Variants in FAIM observed in about 807,000 individuals in gnomAD.
FAIM encodes the protein Fas apoptotic inhibitory molecule.
In FAIM, 14 loss-of-function variants were observed where a neutral mutation model predicts 21.2. The ratio of observed to expected loss-of-function variants is 0.66; its 90% confidence interval spans 0.44 to 1.03. FAIM has a LOEUF of 1.03. Ranked by LOEUF, FAIM falls within the 50% of genes least tolerant of loss-of-function variation. The pLI, the probability that FAIM is intolerant of heterozygous loss-of-function variation, is 0.00. For synonymous variants in FAIM, 86 were observed against 80.4 expected, an observed-to-expected ratio of 1.07 and a Z score of -0.37; for missense variants, 222 against 247.1, an observed-to-expected ratio of 0.90 and a Z score of 0.68.
intron 1 of FAIM, among the ~76,000 whole-genome samples, chr3:138,614,927 C>A (rs1373572503): frequency 6.6e-6 from 1 of 152,134 alleles, no homozygotes; most frequent in Non-Finnish European, 1.5e-5. Flanking sequence ...GGCAGCAGAA[C>A]AAGACCCTGT....
chr3:138,628,763 G>C (rs545750451), intron 4 of FAIM, among the ~76,000 whole-genome samples: 4 of 152,120 alleles, frequency 2.6e-5, no homozygotes, highest in Non-Finnish European at 4.4e-5. Context: ...GATTACAGGC[G>C]TGAGCCACCG....
At chr3:138,624,237 G>T (rs1402252494) in intron 4 of FAIM, among the ~76,000 whole-genome samples, 2 of 152,178 alleles carry the variant, frequency 1.3e-5, no homozygotes, top group African/African-American at 4.8e-5. Flanking sequence ...AACAGATGAT[G>T]AAACCAGGCC....
At position 138,613,461 on chromosome 3, in the gene FAIM, T is replaced by TC. The variant is rs541415306; in HGVS notation, c.-17+4526dup. Among the ~76,000 whole-genome samples, 136 of 152,300 alleles carry TC rather than the reference T, an allele frequency of 8.9e-4. 1 individual carries two copies. Among genetic ancestry groups the TC allele is most frequent in the African/African-American group, 3.1e-3 (129 of 41,568 alleles). ...TTGTCCTTTCACTTTCTAGATAATGTCCTTTGATGCACAAAAATTTTAGTT... is the reference window on the plus strand; with the variant it reads ...TTGTCCTTTCACTTTCTAGATAATGTCCCTTTGATGCACAAAAATTTTAGTT... On this transcript the variant is annotated intron_variant, in intron 1 of 5. Transcript: ENST00000360570.
intron 1 of FAIM, among the ~76,000 whole-genome samples, chr3:138,616,732 A>C (rs1266210638): frequency 6.6e-6 from 1 of 152,248 alleles, no homozygotes; most frequent in Non-Finnish European, 1.5e-5. Flanking sequence ...TTTGCTTAAA[A>C]TAATGGATAG....
At chr3:138,612,912 T>G (rs558718591) in intron 1 of FAIM, among the ~76,000 whole-genome samples, 2 of 152,334 alleles carry the variant, frequency 1.3e-5, no homozygotes, top group South Asian at 4.1e-4. Context: ...TTGTTTTGAT[T>G]TGCATTTCTG....
intron 5 of FAIM, among the ~76,000 whole-genome samples, chr3:138,632,703 A>T (rs1240881029): frequency 3.9e-5 from 6 of 152,238 alleles, no homozygotes; most frequent in Non-Finnish European, 7.3e-5. Flanking sequence ...TCCTCCCCCA[A>T]GAATTTAAGA....
Position 138,628,645 on chromosome 3 carries a change from C to T in FAIM, c.407-462C>T, listed in dbSNP as rs186603351. 7.7e-4 allele frequency among the ~76,000 whole-genome samples: 117 copies of T among 152,018 alleles called. 1 individual carries two copies. In the East Asian group the frequency reaches 0.016, roughly 21 times the overall value. ...GACTACAGGCACCCACCACCATGCCCGGCTAATTATTGTATTTTTAGTAGA... is the reference window on the plus strand; with the variant it reads ...GACTACAGGCACCCACCACCATGCCTGGCTAATTATTGTATTTTTAGTAGA... On this transcript the variant is annotated intron_variant, in intron 4 of 5. Coordinates refer to ENST00000360570, the MANE Select transcript of FAIM (RefSeq NM_001033031.2).
chr3:138,620,409 T>C (rs1261639262), intron 2 of FAIM, among the ~76,000 whole-genome samples: 3 of 152,210 alleles, frequency 2.0e-5, no homozygotes, highest in Non-Finnish European at 4.4e-5. Flanking sequence ...AATTAGATAT[T>C]ATGTATTATG....
At chr3:138,610,912 T>G in intron 1 of FAIM, 4 of 1,552,738 alleles carry the variant, frequency 2.6e-6, no homozygotes, top group Non-Finnish European at 3.6e-6. Context: ...AACCAAAGCC[T>G]TCTTCGGCAG....
intron 3 of FAIM, among the ~76,000 whole-genome samples, 199 bp from the exon 4 acceptor site, chr3:138,621,989 C>T (rs1424897630): frequency 1.3e-5 from 2 of 151,970 alleles, no homozygotes; most frequent in Non-Finnish European, 2.9e-5. Context: ...TCACTGTTGG[C>T]CAGGCTGGTC....
At chr3:138,614,581 A>G (rs953722915) in intron 1 of FAIM, among the ~76,000 whole-genome samples, 2 of 152,242 alleles carry the variant, frequency 1.3e-5, no homozygotes, top group African/African-American at 2.4e-5. Flanking sequence ...GTGAAGGTAC[A>G]TCTCCCCTTG....
At chr3:138,627,334 A>G (rs1246531165) in intron 4 of FAIM, among the ~76,000 whole-genome samples, 1 of 151,982 alleles carries the variant, frequency 6.6e-6, no homozygotes, top group Non-Finnish European at 1.5e-5. Context: ...GGCGCCCGCC[A>G]CTACGTCCAG....
At chr3:138,630,081 C>T (rs1255363288) in intron 5 of FAIM, 2 of 152,190 alleles carry the variant, frequency 1.3e-5, no homozygotes, top group Non-Finnish European at 1.5e-5. Flanking sequence ...ACCCACCTTT[C>T]ATGCTGGCTC....
At chr3:138,620,449 AAT>A (rs1201035105) in intron 2 of FAIM, among the ~76,000 whole-genome samples, 1 of 152,196 alleles carries the variant, frequency 6.6e-6, no homozygotes, top group African/African-American at 2.4e-5. Flanking sequence ...TAACATCAAA[AAT>A]ATATGTTGAA....
chr3:138,621,995 T>C (rs953462179), intron 3 of FAIM, among the ~76,000 whole-genome samples, 193 bp from the exon 4 acceptor site: 2 of 152,108 alleles, frequency 1.3e-5, no homozygotes, highest in African/African-American at 4.8e-5. Context: ...TTGGCCAGGC[T>C]GGTCTCAAAC....
In FAIM at chr3:138,621,425, A is replaced by C. The variant is rs747325651; in HGVS notation, c.63A>C (p.Glu21Asp). 3.7e-6 allele frequency: 6 copies of C among 1,614,028 alleles called. 1 individual carries two copies. The South Asian group carries it at 6.6e-5, about 18-fold the overall frequency. ...EDDESPPYSLEKMTDLVAVWD... is the reference protein window; with the variant it reads ...EDDESPPYSLDKMTDLVAVWD... Reference sequence around the variant, plus strand: ...CCTTTAGCCCTCCTTACAGCCTAGAAAAAATGACAGATCTCGTAGCTGTTT... The same window carrying C: ...CCTTTAGCCCTCCTTACAGCCTAGACAAAATGACAGATCTCGTAGCTGTTT... The change falls in exon 3 of 6, where the codon GAA (glutamate) becomes GAC (aspartate). Residue 21 changes from glutamate (E) to aspartate (D), a missense_variant. Coordinates refer to ENST00000360570, the MANE Select transcript of FAIM (RefSeq NM_001033031.2).
chr3:138,619,826 T>C, intron 2 of FAIM, 56 bp downstream of exon 2: 1 of 1,456,914 alleles, frequency 6.9e-7, no homozygotes, highest in Non-Finnish European at 9.6e-7. Flanking sequence ...ATTGTTATCA[T>C]TCAAAAGAGT....
At position 138,633,067 on chromosome 3, in the gene FAIM, G is replaced by C. The variant is rs1308734257; in HGVS notation, c.594G>C (p.Glu198Asp). 1 of 1,611,844 alleles carries C rather than the reference G, an allele frequency of 6.2e-7. No homozygotes were observed. The highest frequency in any genetic ancestry group is 2.2e-5 in the East Asian group (1 of 44,788). Residue 198 changes from glutamate (E) to aspartate (D), a missense_variant, in exon 6 of 6, where the codon GAG becomes GAC. Glu to Asp is a conservative substitution (Grantham distance 45). Coordinates refer to ENST00000360570, the MANE Select transcript of FAIM (RefSeq NM_001033031.2). ...TTGTGGATAATAGAGAAATCCCAGA[G>C]ATTGCAAGTTAATGAATTTTCATCT... ...TLIVDNREIPEIAS is the reference protein window; with the variant it reads ...TLIVDNREIPDIAS
At chr3:138,618,360 A>C (rs139730043) in intron 1 of FAIM, among the ~76,000 whole-genome samples, 1 of 151,938 alleles carries the variant, frequency 6.6e-6, no homozygotes, top group Non-Finnish European at 1.5e-5. Flanking sequence ...TATGAGTGCT[A>C]ATTTCTTCTT....
Sources: gnomAD v4.1 joint callset for allele counts (sites outside exome capture counted in the v4.1 genomes callset) on GRCh38, gnomAD v4.1.1 for gene constraint, MANE v1.5 for transcripts, NCBI Gene and HGNC (gene_info 2026-07-23, HGNC 2026-07-21) for gene names.